The following RABGAP1L variants were observed in gnomAD, a reference collection of about 807,000 sequenced individuals.
RABGAP1L encodes the protein rab GTPase-activating protein 1-like.
A neutral mutation model predicts 137.7 loss-of-function variants in RABGAP1L; 63 were observed. That is an observed-to-expected ratio of 0.46 (90% CI 0.37 to 0.56). RABGAP1L has a LOEUF of 0.56. Among genes scored for constraint, RABGAP1L ranks in the 20% least tolerant of loss-of-function variants. RABGAP1L has a pLI of 0.00. For synonymous variants in RABGAP1L, 431 were observed against 433.7 expected (o/e 0.99, Z 0.08); for missense variants, 1,095 against 1,244.0 (o/e 0.88, Z 1.80).
chr1:174,435,326 C>G (rs893859353), intron 13 of RABGAP1L, among the ~76,000 whole-genome samples: 2 of 152,150 alleles, frequency 1.3e-5, no homozygotes, highest in Non-Finnish European at 2.9e-5. Context: ...TCATCTTTGT[C>G]TATCCTTAAG....
intron 19 of RABGAP1L, among the ~76,000 whole-genome samples, chr1:174,932,780 AT>A: frequency 6.6e-6 from 1 of 152,332 alleles, no homozygotes; most frequent in East Asian, 1.9e-4. Flanking sequence ...TGCTGAAATT[AT>A]CCCCTACTTG....
chr1:174,444,127 C>CT (rs1654470067), intron 13 of RABGAP1L, among the ~76,000 whole-genome samples: 1 of 150,092 alleles, frequency 6.7e-6, no homozygotes, highest in Non-Finnish European at 1.5e-5. Context: ...TAGCTTTGTT[C>CT]TTTTTTCTTA....
rs1670622239 is a variant in RABGAP1L at position 174,231,181 on chromosome 1, T to C, written c.368T>C (p.Leu123Pro). ...CCCAGACCATCTTCTCCAGGTGGAC[T>C]ACCTGAAGAAGATAGTGTTTTATTT... ...STPRPSSPGGLPEEDSVLFNK... is the reference protein window; with the variant it reads ...STPRPSSPGGPPEEDSVLFNK... Residue 123 changes from leucine (L) to proline (P), a missense_variant, in exon 4 of 26, where the codon CTA becomes CCA. Coordinates refer to ENST00000681986, the MANE Select transcript of RABGAP1L (RefSeq NM_001366446.1). The C allele has an allele frequency of 1.9e-6, 3 of 1,613,356 alleles. No homozygotes were observed. Among genetic ancestry groups the C allele is most frequent in the Admixed American group, 1.7e-5 (1 of 60,002 alleles).
At chr1:174,197,302 G>A (rs897747481) in intron 1 of RABGAP1L, among the ~76,000 whole-genome samples, 1 of 152,196 alleles carries the variant, frequency 6.6e-6, no homozygotes, top group Admixed American at 6.5e-5. Flanking sequence ...CAGCAGTTGA[G>A]TGTCAAATAG....
intron 13 of RABGAP1L, among the ~76,000 whole-genome samples, chr1:174,624,470 A>T (rs1453681727): frequency 6.6e-6 from 1 of 152,170 alleles, no homozygotes; most frequent in Non-Finnish European, 1.5e-5. Context: ...CCCAGATCCT[A>T]TTACAATGTC....
chr1:174,449,448 C>T lies in RABGAP1L; in HGVS notation c.1710+55303C>T, dbSNP rs1655181421. On this transcript the variant is annotated intron_variant, in intron 13 of 25. Coordinates refer to ENST00000681986, the MANE Select transcript of RABGAP1L (RefSeq NM_001366446.1). The stretch of plus-strand genomic sequence containing the variant: ...GTGTGCAGTAATAGGAAAAATTAAG[C>T]ACTGAGATGAAAAAGAATATCTCAA... Among the ~76,000 whole-genome samples the T allele has an allele frequency of 2.0e-5, 3 of 152,098 alleles. No homozygotes were observed. In the South Asian group the frequency reaches 6.2e-4, roughly 31 times the overall value.
intron 14 of RABGAP1L, among the ~76,000 whole-genome samples, chr1:174,669,225 T>A (rs1029118067): frequency 3.3e-5 from 5 of 152,058 alleles, no homozygotes; most frequent in Middle Eastern, 3.2e-3. Flanking sequence ...CAAACACTTA[T>A]AAAACTATCA....
intron 19 of RABGAP1L, chr1:174,893,039 C>T: frequency 3.7e-6 from 1 of 267,226 alleles, no homozygotes; most frequent in South Asian, 4.2e-5. Flanking sequence ...AGCCACCACG[C>T]CCAGCCAGGC....
chr1:174,734,890 C>T (rs1476397774), intron 17 of RABGAP1L, among the ~76,000 whole-genome samples: 1 of 146,846 alleles, frequency 6.8e-6, no homozygotes, highest in Non-Finnish European at 1.5e-5. Context: ...CACACTTATG[C>T]TTATTTAGTC....
chr1:174,304,301 T>G (rs6693198), intron 10 of RABGAP1L, among the ~76,000 whole-genome samples: 41,234 of 151,770 alleles, frequency 0.27, 6,046 homozygotes, highest in African/African-American at 0.36. Context: ...ATTTTGTATG[T>G]GTATATGTAT....
chr1:174,707,113 T>A lies in RABGAP1L; in HGVS notation c.2169+4857T>A, dbSNP rs553231654. Among the ~76,000 whole-genome samples the A allele has an allele frequency of 4.5e-4, 69 of 152,336 alleles. No homozygotes were observed. In the South Asian group the frequency reaches 0.014, roughly 31 times the overall value. On this transcript the variant is annotated intron_variant, in intron 17 of 25. Transcript: ENST00000681986. ...GTGTTAGGATGCACATACATTCAGC[T>A]TTAATGGATACTGCCAAACAGCCTT...
rs541256521 is a variant in RABGAP1L at position 174,548,492 on chromosome 1, T to C, written c.1711-88883T>C. Reference sequence around the variant, plus strand: ...ATTGGAGATAAATTTTATAACCTGATTTTCTCATGGCAGTGTACAAATGAA... The same window carrying C: ...ATTGGAGATAAATTTTATAACCTGACTTTCTCATGGCAGTGTACAAATGAA... On this transcript the variant is annotated intron_variant, in intron 13 of 25. Transcript: ENST00000681986. 227 of 947,698 alleles carry C rather than the reference T, an allele frequency of 2.4e-4. No homozygotes were observed. In the Middle Eastern group the frequency reaches 3.3e-3, roughly 14 times the overall value. 58.7% of individuals were successfully genotyped at this position (947,698 alleles called of 1,614,324 possible).
At chr1:174,629,783 C>T (rs1673198834) in intron 13 of RABGAP1L, among the ~76,000 whole-genome samples, 3 of 152,182 alleles carry the variant, frequency 2.0e-5, no homozygotes, top group East Asian at 1.9e-4. Context: ...CTCAGCCTCC[C>T]AAAGTGCTGG....
At chr1:174,797,236 C>T (rs1032757069) in intron 18 of RABGAP1L, among the ~76,000 whole-genome samples, 1 of 151,932 alleles carries the variant, frequency 6.6e-6, no homozygotes, top group African/African-American at 2.4e-5. Flanking sequence ...AAACATCTTC[C>T]CTACCCTTTA....
intron 10 of RABGAP1L, among the ~76,000 whole-genome samples, chr1:174,290,822 C>A (rs1050562295): frequency 6.7e-6 from 1 of 149,930 alleles, no homozygotes; most frequent in Admixed American, 6.7e-5. Context: ...AGTGCAATGG[C>A]GAGATCTCGG....
At chr1:174,383,850 A>G (rs1686468282) in intron 12 of RABGAP1L, among the ~76,000 whole-genome samples, 1 of 152,170 alleles carries the variant, frequency 6.6e-6, no homozygotes, top group South Asian at 2.1e-4. Context: ...TGGTGGAAAT[A>G]CAAAATGGTG....
At chr1:174,319,586 A>G (rs1679751205) in intron 11 of RABGAP1L, among the ~76,000 whole-genome samples, 1 of 152,168 alleles carries the variant, frequency 6.6e-6, no homozygotes, top group South Asian at 2.1e-4. Context: ...ACAATGCTCA[A>G]TAGGAATGGT....
chr1:174,552,593 T>C (rs1025591997), intron 13 of RABGAP1L, among the ~76,000 whole-genome samples: 1 of 152,166 alleles, frequency 6.6e-6, no homozygotes, highest in Non-Finnish European at 1.5e-5. Context: ...CTATACACCA[T>C]GAAATACCAA....
rs1034169056 is a variant in RABGAP1L, at chr1:174,352,336, TC to T, written c.1466-18642del. The stretch of plus-strand genomic sequence containing the variant: ...GTGACTAATTCTTTCTTCTGCTTGA[TC>T]AATTCTGGTGTTGAAAGACTATGAT... On this transcript the variant is annotated intron_variant, in intron 11 of 25. Coordinates refer to ENST00000681986, the MANE Select transcript of RABGAP1L (RefSeq NM_001366446.1). Among the ~76,000 whole-genome samples, 26 of 152,254 alleles carry T rather than the reference TC, an allele frequency of 1.7e-4. 1 individual carries two copies. The highest frequency in any genetic ancestry group is 5.8e-4 in the African/African-American group (24 of 41,558).
Sources: gnomAD v4.1 joint callset for allele counts (sites outside exome capture counted in the v4.1 genomes callset) on GRCh38, gnomAD v4.1.1 for gene constraint, MANE v1.5 for transcripts, NCBI Gene and HGNC (gene_info 2026-07-23, HGNC 2026-07-21) for gene names.